Variants in ANKS6 observed in about 807,000 individuals in gnomAD.
ANKS6 encodes ankyrin repeat and SAM domain-containing protein 6.
ANKS6 carries 47 observed loss-of-function variants against 77.9 expected under a neutral mutation model. The ratio of observed to expected loss-of-function variants is 0.60; its 90% CI spans 0.48 to 0.77. ANKS6 has a LOEUF of 0.77. Among genes scored for constraint, ANKS6 ranks in the 30% least tolerant of loss-of-function variants. The pLI is 0.00. For missense variants in ANKS6, 1,150 were observed against 1,159.1 expected (o/e 0.99, Z 0.11); for synonymous variants, 488 against 501.7 (o/e 0.97, Z 0.37).
intron 3 of ANKS6, 50 bp from the exon 4 acceptor site, chr9:98,784,207 G>C (rs1391008886): frequency 2.0e-6 from 3 of 1,463,462 alleles, no homozygotes; most frequent in Non-Finnish European, 2.7e-6. Context: ...GGTACCATAG[G>C]CTGATTTCTC....
At chr9:98,772,122 G>A (rs1423798333) in intron 9 of ANKS6, among the ~76,000 whole-genome samples, 1 of 152,192 alleles carries the variant, frequency 6.6e-6, no homozygotes, top group Non-Finnish European at 1.5e-5. Flanking sequence ...ACCTTATGAG[G>A]CATGAGAATG....
chr9:98,732,635 C>G lies in ANKS6; in HGVS notation c.*3884G>C. On this transcript the variant is annotated 3_prime_UTR_variant, in exon 15 of 15. Transcript: ENST00000353234. ...ATGGGCAACCATCTTTGAGGTTTCC[C>G]ACATCTGCACCGCTCCACAGTGTGA... is the stretch of plus-strand genomic sequence containing the variant. 6.5e-7 allele frequency: 1 copy of G among 1,545,766 alleles called. No homozygotes were observed. Among genetic ancestry groups the G allele is most frequent in the Non-Finnish European group, 8.7e-7 (1 of 1,145,486 alleles).
rs368160734 is a variant in ANKS6 at position 98,790,283 on chromosome 9, G to A, written c.683C>T (p.Pro228Leu). The change falls in exon 2 of 15, where the codon CCG (proline) becomes CTG (leucine). Residue 228 changes from proline (P) to leucine (L), a missense_variant. By Grantham distance (98) the Pro-to-Leu change is moderately conservative. Coordinates refer to ENST00000353234, the MANE Select transcript of ANKS6 (RefSeq NM_173551.5). ...CCCAGTGAGTGCGGCCAGCATCAGC[G>A]GGCTCCAGCCCACGGTCCGGGCTGC... ...NHAARTVGWSPLMLAALTGRL... is the reference protein window; with the variant it reads ...NHAARTVGWSLLMLAALTGRL... The A allele has an allele frequency of 1.1e-5, 17 of 1,603,438 alleles. No individual in the cohort carries two copies. Among genetic ancestry groups the A allele is most frequent in the Middle Eastern group, 1.6e-4 (1 of 6,066 alleles).
At chr9:98,758,963 A>G (rs1200558662) in intron 11 of ANKS6, among the ~76,000 whole-genome samples, 1 of 151,782 alleles carries the variant, frequency 6.6e-6, no homozygotes, top group Non-Finnish European at 1.5e-5. Flanking sequence ...TTTCTCCTCC[A>G]CCTCCTACAA....
At chr9:98,749,457 C>T (rs1224141825) in intron 13 of ANKS6, among the ~76,000 whole-genome samples, 3 of 152,220 alleles carry the variant, frequency 2.0e-5, no homozygotes, top group African/African-American at 4.8e-5. Flanking sequence ...AACATACCCC[C>T]GTTCCCTACG....
intron 13 of ANKS6, among the ~76,000 whole-genome samples, chr9:98,750,690 A>G (rs750597660): frequency 6.6e-6 from 1 of 152,242 alleles, no homozygotes; most frequent in Non-Finnish European, 1.5e-5. Flanking sequence ...ATCCAGACAC[A>G]TAACACAGGT....
Position 98,774,099 on chromosome 9 carries a change from G to A in ANKS6, c.1618-19C>T. 1 of 1,434,886 alleles carries A rather than the reference G, an allele frequency of 7.0e-7. No homozygotes were observed. Among genetic ancestry groups the A allele is most frequent in the South Asian group, 1.6e-5 (1 of 63,944 alleles). The allele number at this position is 1,434,886 out of a possible 1,614,324, so 88.9% of individuals were successfully genotyped here. A position where few individuals can be genotyped will look rare whatever the true frequency, so the allele number is the denominator to read the frequency against. ...TTCGAAGCTGAAAAAGACAGGCTGA[G>A]GGTTAGACAAGCCCCCAGGAGGGCT... On this transcript the variant is annotated intron_variant, in intron 8 of 14. Coordinates refer to ENST00000353234, the MANE Select transcript of ANKS6 (RefSeq NM_173551.5).
At chr9:98,771,871 G>A (rs1442730685) in intron 9 of ANKS6, among the ~76,000 whole-genome samples, 2 of 152,154 alleles carry the variant, frequency 1.3e-5, no homozygotes, top group East Asian at 1.9e-4. Flanking sequence ...CACCCTCTTC[G>A]CTTACACTGT....
chr9:98,768,322 C>T (rs932507327), intron 10 of ANKS6, 72 bp from the exon 11 acceptor site: 30 of 1,568,236 alleles, frequency 1.9e-5, no homozygotes, highest in South Asian at 3.4e-5. Context: ...GGTGGACTGT[C>T]GTGTGATGAT....
rs540601094 is a variant in ANKS6 at position 98,796,492 on chromosome 9, C to T, written c.-1G>A. The T allele has an allele frequency of 6.4e-3, 6,290 of 989,048 alleles. 32 individuals carry two copies. Among genetic ancestry groups the T allele is most frequent in the South Asian group, 0.023 (508 of 22,140 alleles). 61.3% of individuals were successfully genotyped at this position (989,048 alleles called of 1,614,324 possible). A position where few individuals can be genotyped will look rare whatever the true frequency, so the allele number is the denominator to read the frequency against. ...CCGGGGGCAGCCCGCCCTCGCCCAT[C>T]GCCGCCGCCACGCGCGGCCCGCTCC... On this transcript the variant is annotated 5_prime_UTR_variant, in exon 1 of 15. Coordinates refer to ENST00000353234, the MANE Select transcript of ANKS6 (RefSeq NM_173551.5).
In ANKS6 at chr9:98,795,111, C is replaced by G. The variant is rs1306694720; in HGVS notation, c.359+1022G>C. On this transcript the variant is annotated intron_variant, in intron 1 of 14. Transcript: ENST00000353234. ...GCCATCCTTGCTGTCTCTCTTAACCCCTCCCCAAGGGCCAGTCGTCAACTC... is the reference window on the plus strand; with the variant it reads ...GCCATCCTTGCTGTCTCTCTTAACCGCTCCCCAAGGGCCAGTCGTCAACTC... Among the ~76,000 whole-genome samples, 16 of 152,216 alleles carry G rather than the reference C, an allele frequency of 1.1e-4. No homozygotes were observed. In the East Asian group the frequency reaches 3.1e-3, roughly 29 times the overall value.
rs1321387411 is a variant in ANKS6 at position 98,736,119 on chromosome 9, G to C, written c.*400C>G. The C allele has an allele frequency of 8.7e-7, 1 of 1,152,240 alleles. No homozygotes were observed. Among genetic ancestry groups the C allele is most frequent in the African/African-American group, 1.6e-5 (1 of 62,828 alleles). 71.4% of individuals were successfully genotyped at this position (1,152,240 alleles called of 1,614,324 possible). ...ACCAGTGGCCAAGAGGACGTGAGCA[G>C]GAGTGATGTGTGTCAGTTAAGAGCA... is the stretch of plus-strand genomic sequence containing the variant. On this transcript the variant is annotated 3_prime_UTR_variant, in exon 15 of 15. Transcript: ENST00000353234.
chr9:98,747,225 T>C (rs1163463841), intron 13 of ANKS6, among the ~76,000 whole-genome samples: 1 of 152,250 alleles, frequency 6.6e-6, no homozygotes, highest in Non-Finnish European at 1.5e-5. Context: ...TTTCACTTTA[T>C]AAGAAGGCTT....
chr9:98,733,204 A>T lies in ANKS6; in HGVS notation c.*3315T>A. 1.0e-6 allele frequency: 1 copy of T among 985,426 alleles called. No homozygotes were observed. The highest frequency in any genetic ancestry group is 4.7e-5 in the South Asian group (1 of 21,290). 61.0% of individuals were successfully genotyped at this position (985,426 alleles called of 1,614,324 possible). ...TGCTCAGTAAACGTTCGGTAAACAA[A>T]AGAATTAAAAAATAAACAATCTCCT... On this transcript the variant is annotated 3_prime_UTR_variant, in exon 15 of 15. Coordinates refer to ENST00000353234, the MANE Select transcript of ANKS6 (RefSeq NM_173551.5).
rs374621910 is a variant in ANKS6 at position 98,733,803 on chromosome 9, C to T, written c.*2716G>A. ...CTGCCAAACCTACTCAACCAGGGAA[C>T]CTCACCCCACTTTCACATACACACC... is the stretch of plus-strand genomic sequence containing the variant. On this transcript the variant is annotated 3_prime_UTR_variant, in exon 15 of 15. Transcript: ENST00000353234. The T allele has an allele frequency of 1.8e-4, 180 of 985,424 alleles. 1 individual carries two copies. In the South Asian group the frequency reaches 6.7e-3, roughly 37 times the overall value. 61.0% of individuals were successfully genotyped at this position (985,424 alleles called of 1,614,324 possible).
intron 6 of ANKS6, among the ~76,000 whole-genome samples, 174 bp from the exon 7 acceptor site, chr9:98,778,598 T>C (rs1435298274): frequency 6.6e-6 from 1 of 152,204 alleles, no homozygotes; most frequent in East Asian, 1.9e-4. Context: ...TAAGCCATGG[T>C]TACTCACTAA....
chr9:98,796,379 T>C lies in ANKS6; in HGVS notation c.113A>G (p.Glu38Gly). The C allele has an allele frequency of 9.8e-7, 1 of 1,018,000 alleles. No individual in the cohort carries two copies. The highest frequency in any genetic ancestry group is 1.2e-6 in the Non-Finnish European group (1 of 853,682). The allele number at this position is 1,018,000 out of a possible 1,614,324, so 63.1% of individuals were successfully genotyped here. Residue 38 changes from glutamate to glycine, a missense_variant, in exon 1 of 15, where the codon GAG becomes GGG. By Grantham distance (98) the Glu-to-Gly change is moderately conservative. Transcript: ENST00000353234. ...LLEPGAAEPA[E>G]RGAEPEAGAE... ...GCCCGCCTCCGGCTCCGCGCCGCGC[T>C]CGGCTGGCTCCGCCGCCCCCGGCTC...
chr9:98,744,269 A>G (rs988032593), intron 14 of ANKS6, among the ~76,000 whole-genome samples: 19 of 152,236 alleles, frequency 1.2e-4, no homozygotes, highest in African/African-American at 4.6e-4. Context: ...GGCAGGTAAT[A>G]AGAATGACGA....
chr9:98,745,496 C>T, intron 14 of ANKS6, 63 bp downstream of exon 14: 1 of 1,490,598 alleles, frequency 6.7e-7, no homozygotes, highest in Non-Finnish European at 9.4e-7. Context: ...CCCAAGATCC[C>T]AGGACCCTGG....
Sources: gnomAD v4.1 joint callset for allele counts (sites outside exome capture counted in the v4.1 genomes callset) on GRCh38, gnomAD v4.1.1 for gene constraint, MANE v1.5 for transcripts, NCBI Gene and HGNC (gene_info 2026-07-23, HGNC 2026-07-21) for gene names.